GOLM1: variants seen among roughly 807,000 people sequenced by gnomAD.
GOLM1 encodes golgi membrane protein 1.
In GOLM1, 31 loss-of-function variants were observed where a neutral mutation model predicts 50.5. The ratio of observed to expected loss-of-function variants is 0.61; its 90% CI spans 0.46 to 0.83. GOLM1 has a LOEUF of 0.83. GOLM1 is among the 40% of genes least tolerant of loss of function. The pLI, the probability that GOLM1 is intolerant of heterozygous loss-of-function variation, is 0.00. For synonymous variants in GOLM1, 178 were observed against 192.8 expected (o/e 0.92, Z 0.64); for missense variants, 491 against 501.3 (o/e 0.98, Z 0.20).
intron 3 of GOLM1, among the ~76,000 whole-genome samples, chr9:86,076,857 CAA>C (rs748234542): frequency 2.4e-4 from 27 of 111,062 alleles, no homozygotes; most frequent in Admixed American, 1.9e-4. Flanking sequence ...AACTCCATCT[CAA>C]AAAAAAAAAA....
At chr9:86,078,254 T>G (rs1024007999) in intron 2 of GOLM1, among the ~76,000 whole-genome samples, 1 of 152,218 alleles carries the variant, frequency 6.6e-6, no homozygotes. Flanking sequence ...TATAAAGTAC[T>G]GTGAAAGAGA....
At chr9:86,068,008 A>AAAAT (rs1000982583) in intron 3 of GOLM1, among the ~76,000 whole-genome samples, 11 of 152,202 alleles carry the variant, frequency 7.2e-5, no homozygotes, top group South Asian at 4.2e-4. Flanking sequence ...CTCCGTCTCA[A>AAAAT]AAATAAATAA....
intron 3 of GOLM1, among the ~76,000 whole-genome samples, chr9:86,072,303 G>A (rs1379656304): frequency 2.0e-5 from 3 of 152,158 alleles, no homozygotes; most frequent in African/African-American, 7.2e-5. Flanking sequence ...ACGCAGGTGT[G>A]AGCTTATTAT....
chr9:86,028,172 G>T (rs994717289), intron 9 of GOLM1, among the ~76,000 whole-genome samples: 1 of 152,158 alleles, frequency 6.6e-6, no homozygotes, highest in Non-Finnish European at 1.5e-5. Context: ...AAGGACTCCT[G>T]TCTTCTTGCC....
intron 1 of GOLM1, among the ~76,000 whole-genome samples, chr9:86,090,512 G>A (rs1246375415): frequency 3.3e-5 from 5 of 152,230 alleles, no homozygotes; most frequent in Middle Eastern, 6.8e-3. Flanking sequence ...TACCCAGTTC[G>A]AACTGGCAGC....
intron 1 of GOLM1, chr9:86,079,819 G>C (rs1359858380): frequency 6.6e-6 from 1 of 152,402 alleles, no homozygotes; most frequent in African/African-American, 2.4e-5. Context: ...TTACTCCTCA[G>C]AGAGAGCTTT....
intron 3 of GOLM1, among the ~76,000 whole-genome samples, chr9:86,075,773 C>CT (rs951512283): frequency 2.6e-5 from 4 of 151,614 alleles, no homozygotes; most frequent in East Asian, 1.9e-4. Flanking sequence ...ACTTGATGCT[C>CT]TTTTTTTTCT....
intron 9 of GOLM1, among the ~76,000 whole-genome samples, chr9:86,032,871 C>A (rs1833025922): frequency 6.6e-6 from 1 of 152,168 alleles, no homozygotes; most frequent in African/African-American, 2.4e-5. Context: ...CTGGACTCTT[C>A]AAAAATTCAA....
chr9:86,052,482 G>A (rs1489201574), intron 4 of GOLM1, 55 bp downstream of exon 4: 6 of 1,483,604 alleles, frequency 4.0e-6, no homozygotes, highest in Non-Finnish European at 5.7e-6. Flanking sequence ...AGGAGAGAAA[G>A]GGAGTTTCCT....
intron 3 of GOLM1, among the ~76,000 whole-genome samples, chr9:86,074,740 G>A (rs1834561359): frequency 6.6e-6 from 1 of 152,174 alleles, no homozygotes; most frequent in African/African-American, 2.4e-5. Context: ...TCAGCCTCAC[G>A]TCTGGCCAAG....
chr9:86,057,735 C>T (rs951318365), intron 3 of GOLM1, among the ~76,000 whole-genome samples: 4 of 152,170 alleles, frequency 2.6e-5, no homozygotes, highest in African/African-American at 7.2e-5. Flanking sequence ...TGGGGCAGTG[C>T]GCACCCCACA....
Position 86,052,564 on chromosome 9 carries a change from C to T in GOLM1, c.337G>A (p.Gly113Ser). 1 of 1,613,786 alleles carries T rather than the reference C, an allele frequency of 6.2e-7. No homozygotes were observed. The highest frequency in any genetic ancestry group is 8.5e-7 in the Non-Finnish European group (1 of 1,179,732). ...KAVLVNNITT[G>S]ERLIRVLQDQ... Reference sequence around the variant, plus strand: ...TGCAGCACTCGGATGAGCCTCTCACCTGTGGTGATGTTATTCACCAAAACC... The same window carrying T: ...TGCAGCACTCGGATGAGCCTCTCACTTGTGGTGATGTTATTCACCAAAACC... Residue 113 changes from glycine (G) to serine (S), a missense_variant, in exon 4 of 10, where the codon GGT (glycine) becomes AGT (serine). Gly to Ser is a moderately conservative substitution (Grantham distance 56, BLOSUM62 0). Coordinates refer to ENST00000388712, the MANE Select transcript of GOLM1 (RefSeq NM_016548.4).
At chr9:86,028,369 A>AT (rs1832852629) in intron 9 of GOLM1, among the ~76,000 whole-genome samples, 1 of 152,218 alleles carries the variant, frequency 6.6e-6, no homozygotes, top group African/African-American at 2.4e-5. Context: ...GCCAAGGGAA[A>AT]TTCGGCCAAG....
intron 6 of GOLM1, 102 bp from the exon 7 acceptor site, chr9:86,036,609 T>G: frequency 8.2e-7 from 1 of 1,213,344 alleles, no homozygotes; most frequent in Admixed American, 2.4e-5. Flanking sequence ...CCCACCACCA[T>G]ATCCTTCCAA....
At chr9:86,095,844 A>G (rs1835341727) in intron 1 of GOLM1, among the ~76,000 whole-genome samples, 1 of 152,212 alleles carries the variant, frequency 6.6e-6, no homozygotes, top group Non-Finnish European at 1.5e-5. Context: ...ATGAAGTGAT[A>G]TTAGATGTCA....
At chr9:86,037,388 A>G (rs1400952312) in intron 6 of GOLM1, among the ~76,000 whole-genome samples, 1 of 151,416 alleles carries the variant, frequency 6.6e-6, no homozygotes, top group Non-Finnish European at 1.5e-5. Context: ...CAGTGAGCCA[A>G]GATCATGCCA....
At chr9:86,089,544 G>A (rs540917350) in intron 1 of GOLM1, among the ~76,000 whole-genome samples, 57 of 151,978 alleles carry the variant, frequency 3.8e-4, no homozygotes, top group African/African-American at 1.2e-3. Flanking sequence ...CCGCTTGACC[G>A]ATTTGGCTAT....
At chr9:86,088,815 TG>T (rs1835079588) in intron 1 of GOLM1, among the ~76,000 whole-genome samples, 1 of 152,170 alleles carries the variant, frequency 6.6e-6, no homozygotes, top group African/African-American at 2.4e-5. Flanking sequence ...TGATGTTAAC[TG>T]GTTATTTTGT....
rs78242085 is a variant in GOLM1 at position 86,029,322 on chromosome 9, T to A, written c.1130-1429A>T. 4.9e-3 allele frequency among the ~76,000 whole-genome samples: 748 copies of A among 152,242 alleles called. 8 individuals are homozygous for A. Among genetic ancestry groups the A allele is most frequent in the African/African-American group, 0.017 (708 of 41,550 alleles). ...TGCACTCATGACATTTTAAATATAA[T>A]CACCACGCTCCTGTGCGGCGTGACT... On this transcript the variant is annotated intron_variant, in intron 9 of 9. Coordinates refer to ENST00000388712, the MANE Select transcript of GOLM1 (RefSeq NM_016548.4).
Sources: allele counts gnomAD v4.1 joint callset (sites outside exome capture counted in the v4.1 genomes callset), GRCh38; gene constraint gnomAD v4.1.1; transcripts MANE v1.5; gene names NCBI Gene and HGNC (gene_info 2026-07-23, HGNC 2026-07-21).